Variants in DPP6 observed in about 807,000 individuals in gnomAD.
DPP6 encodes A-type potassium channel modulatory protein DPP6.
Under a neutral mutation model 122.6 loss-of-function variants are expected in DPP6, and 69 were observed. That is an observed-to-expected ratio of 0.56 (90% CI 0.46 to 0.69). The LOEUF is 0.69. Among genes scored for constraint, DPP6 ranks in the 30% least tolerant of loss-of-function variants. The probability of loss-of-function intolerance (pLI) is 0.00; values close to 1 mark genes in which losing one functional copy is unlikely to be tolerated. For missense variants in DPP6, 928 were observed against 1,116.9 expected, an observed-to-expected ratio of 0.83 and a Z score of 2.41; for synonymous variants, 418 against 433.1, an observed-to-expected ratio of 0.97 and a Z score of 0.43.
At chr7:154,759,428 G>C (rs1176182385) in intron 8 of DPP6, among the ~76,000 whole-genome samples, 2 of 152,232 alleles carry the variant, frequency 1.3e-5, no homozygotes, top group African/African-American at 4.8e-5. Context: ...CCTGTCTCTT[G>C]TGCCTAAAGC....
At chr7:154,014,194 G>T (rs76133065) in intron 1 of DPP6, among the ~76,000 whole-genome samples, 13,726 of 146,376 alleles carry the variant, frequency 0.094, 705 homozygotes, top group East Asian at 0.17. Context: ...GATGAGAACT[G>T]TGGGAATTTC....
chr7:154,693,018 C>T (rs1359719709), intron 7 of DPP6, among the ~76,000 whole-genome samples: 2 of 152,170 alleles, frequency 1.3e-5, no homozygotes, highest in African/African-American at 4.8e-5. Context: ...TCTCAAACTC[C>T]TGGGCTCAAG....
intron 2 of DPP6, among the ~76,000 whole-genome samples, chr7:154,450,608 C>T (rs943198725): frequency 3.9e-5 from 6 of 152,176 alleles, no homozygotes; most frequent in Non-Finnish European, 5.9e-5. Flanking sequence ...GAGCGAGCTT[C>T]GTGAATGGAG....
chr7:154,766,550 A>G (rs1274854175), intron 8 of DPP6, among the ~76,000 whole-genome samples: 1 of 151,946 alleles, frequency 6.6e-6, no homozygotes, highest in Non-Finnish European at 1.5e-5. Context: ...CAAGTGATCC[A>G]CCCACCTCAG....
chr7:154,669,059 T>C (rs977807894), intron 6 of DPP6, among the ~76,000 whole-genome samples: 2 of 152,214 alleles, frequency 1.3e-5, no homozygotes, highest in East Asian at 3.8e-4. Flanking sequence ...ACTTTGACTG[T>C]TCTGGAGATT....
At chr7:154,060,247 G>T (rs1405094796) in intron 1 of DPP6, among the ~76,000 whole-genome samples, 1 of 133,772 alleles carries the variant, frequency 7.5e-6, no homozygotes, top group African/African-American at 2.9e-5. Flanking sequence ...CCCCATCGCT[G>T]GGGGCGGAGG....
At chr7:153,891,244 G>T (rs1034071597) in intron 1 of DPP6, among the ~76,000 whole-genome samples, 3 of 148,380 alleles carry the variant, frequency 2.0e-5, no homozygotes, top group African/African-American at 7.4e-5. Flanking sequence ...GGATGGTCTC[G>T]ATCTCTTGAC....
At chr7:153,845,816 A>G in the DPP6 span, among the ~76,000 whole-genome samples, 2 of 152,174 alleles carry the variant, frequency 1.3e-5, no homozygotes, top group East Asian at 1.9e-4. Context: ...CAAATTAACC[A>G]TGACTTTAGA....
At chr7:154,850,284 G>A (rs377756234) in intron 16 of DPP6, among the ~76,000 whole-genome samples, 58 of 152,226 alleles carry the variant, frequency 3.8e-4, no homozygotes, top group African/African-American at 1.3e-3. Flanking sequence ...GAGAACATAC[G>A]ATGTTTGGTT....
At chr7:154,331,637 C>T (rs1477399666) in intron 1 of DPP6, among the ~76,000 whole-genome samples, 3 of 152,172 alleles carry the variant, frequency 2.0e-5, no homozygotes, top group Non-Finnish European at 2.9e-5. Context: ...CAATTTGCCA[C>T]GTGTGTGAGC....
At chr7:154,639,720 G>A (rs936822980) in intron 6 of DPP6, among the ~76,000 whole-genome samples, 1 of 152,168 alleles carries the variant, frequency 6.6e-6, no homozygotes, top group African/African-American at 2.4e-5. Context: ...GTGATGATCT[G>A]CCTTATAGAT....
intron 1 of DPP6, among the ~76,000 whole-genome samples, chr7:154,057,270 A>G (rs1341451970): frequency 8.0e-5 from 12 of 150,912 alleles, no homozygotes; most frequent in Admixed American, 5.9e-4. Context: ...AAGGCCTCCC[A>G]TTTCGTGGTG....
intron 1 of DPP6, among the ~76,000 whole-genome samples, chr7:154,008,486 T>C (rs1232774601): frequency 3.3e-5 from 5 of 152,226 alleles, no homozygotes; most frequent in Non-Finnish European, 1.5e-5. Context: ...ATGTAGTAAA[T>C]ATTGCTTAAA....
intron 3 of DPP6, among the ~76,000 whole-genome samples, chr7:154,516,074 C>G (rs1826474661): frequency 6.6e-6 from 1 of 152,146 alleles, no homozygotes; most frequent in African/African-American, 2.4e-5. Context: ...ATCACTCTTC[C>G]TCAGGTCTGG....
chr7:154,344,596 A>G (rs1810233142), intron 1 of DPP6, among the ~76,000 whole-genome samples: 1 of 152,208 alleles, frequency 6.6e-6, no homozygotes, highest in Admixed American at 6.5e-5. Context: ...GATACATGCT[A>G]AGGACTCAGG....
rs1833567306 is a variant in DPP6 at position 154,605,757 on chromosome 7, T to C, written c.628-32064T>C. On this transcript the variant is annotated intron_variant, in intron 5 of 25. Coordinates refer to ENST00000377770, the MANE Select transcript of DPP6 (RefSeq NM_130797.4). ...CTTTCTGCTATCTTTGCATTTAATC[T>C]ATTTTTAAATTTTTAAGATAAAATA... is the stretch of plus-strand genomic sequence containing the variant. Among the ~76,000 whole-genome samples, 2 of 119,842 alleles carry C rather than the reference T, an allele frequency of 1.7e-5. 1 individual carries two copies. 78.6% of individuals were successfully genotyped at this position (119,842 alleles called of 152,430 possible).
intron 1 of DPP6, among the ~76,000 whole-genome samples, chr7:154,397,226 T>A (rs1815169403): frequency 6.6e-6 from 1 of 151,616 alleles, no homozygotes; most frequent in Non-Finnish European, 1.5e-5. Flanking sequence ...TCTGATGTTT[T>A]TTTTCATGAG....
intron 1 of DPP6, among the ~76,000 whole-genome samples, chr7:154,193,759 T>A (rs553084719): frequency 6.6e-6 from 1 of 151,970 alleles, no homozygotes; most frequent in East Asian, 1.9e-4. Flanking sequence ...TTCCTCACTT[T>A]AGTAGCATTA....
chr7:153,769,637 A>T, the DPP6 span, among the ~76,000 whole-genome samples: 14 of 152,290 alleles, frequency 9.2e-5, no homozygotes, highest in African/African-American at 3.4e-4. Flanking sequence ...CATTAACTTA[A>T]ACTGTGAGGT....
Sources: gnomAD v4.1 joint callset for allele counts (sites outside exome capture counted in the v4.1 genomes callset) on GRCh38, gnomAD v4.1.1 for gene constraint, MANE v1.5 for transcripts, NCBI Gene and HGNC (gene_info 2026-07-23, HGNC 2026-07-21) for gene names.